The following SCML4 variants were observed in gnomAD, a reference collection of about 807,000 sequenced individuals.
SCML4 encodes sex comb on midleg-like protein 4.
Under a neutral mutation model 41.1 loss-of-function variants are expected in SCML4, and 34 were observed. That is an observed-to-expected ratio of 0.83 (90% CI 0.63 to 1.10). The LOEUF is 1.10. Ranked by LOEUF, SCML4 falls within the 50% of genes least tolerant of loss-of-function variation. The probability of loss-of-function intolerance (pLI) is 0.00; values close to 1 mark genes in which losing one functional copy is unlikely to be tolerated. For missense variants in SCML4, 522 were observed against 534.1 expected, an observed-to-expected ratio of 0.98 and a Z score of 0.22; for synonymous variants, 214 against 220.9, an observed-to-expected ratio of 0.97 and a Z score of 0.28.
At chr6:107,722,045 A>C in intron 5 of SCML4, among the ~76,000 whole-genome samples, 1 of 146,810 alleles carries the variant, frequency 6.8e-6, no homozygotes, top group African/African-American at 2.5e-5. Context: ...GCTGGAGTGC[A>C]GTGGTGCGAT....
At position 107,820,624 on chromosome 6, in the gene SCML4, T is replaced by C. The variant is rs182761935; in HGVS notation, c.-60+3502A>G. 2.0e-5 allele frequency among the ~76,000 whole-genome samples: 3 copies of C among 152,218 alleles called. No individual in the cohort carries two copies. The East Asian group carries it at 5.8e-4, about 29-fold the overall frequency. Reference sequence around the variant, plus strand: ...CCACGGGTGAGAGTTTGCAAAAACATGAAGGAGTGAGCCCTTGCCAGAATT... The same window carrying C: ...CCACGGGTGAGAGTTTGCAAAAACACGAAGGAGTGAGCCCTTGCCAGAATT... On this transcript the variant is annotated intron_variant, in intron 1 of 7. Transcript: ENST00000369020.
At chr6:107,736,850 G>C (rs1215283318) in intron 5 of SCML4, among the ~76,000 whole-genome samples, 2 of 152,194 alleles carry the variant, frequency 1.3e-5, no homozygotes, top group Non-Finnish European at 2.9e-5. Flanking sequence ...ACCAGCCAAG[G>C]AAGGAAACAG....
intron 5 of SCML4, chr6:107,732,145 T>G (rs190354137): frequency 1.3e-5 from 2 of 152,382 alleles, no homozygotes; most frequent in African/African-American, 4.8e-5. Flanking sequence ...CATGCAGCCT[T>G]TCACTGAGGC....
At chr6:107,748,509 A>G (rs1250037483) in intron 3 of SCML4, among the ~76,000 whole-genome samples, 1 of 152,238 alleles carries the variant, frequency 6.6e-6, no homozygotes, top group African/African-American at 2.4e-5. Flanking sequence ...AAGTTAGTAG[A>G]CTGCTCAAAA....
intron 2 of SCML4, among the ~76,000 whole-genome samples, chr6:107,751,022 C>G (rs908342073): frequency 2.6e-5 from 4 of 152,092 alleles, no homozygotes; most frequent in African/African-American, 9.7e-5. Flanking sequence ...TTTATTTGTT[C>G]AACAAATATA....
chr6:107,775,173 C>A (rs533669276), intron 1 of SCML4, among the ~76,000 whole-genome samples: 2 of 152,146 alleles, frequency 1.3e-5, no homozygotes, highest in South Asian at 4.1e-4. Flanking sequence ...CATTTTTTTC[C>A]TGTTATTTAT....
At chr6:107,798,033 A>T (rs897419480) in intron 1 of SCML4, among the ~76,000 whole-genome samples, 3 of 152,116 alleles carry the variant, frequency 2.0e-5, no homozygotes, top group Non-Finnish European at 4.4e-5. Context: ...ATAATTTCTT[A>T]AGGATTTTTG....
chr6:107,733,325 A>G (rs1776740486), intron 5 of SCML4, among the ~76,000 whole-genome samples: 1 of 152,140 alleles, frequency 6.6e-6, no homozygotes, highest in Admixed American at 6.5e-5. Flanking sequence ...GTCATTATTA[A>G]CTCAGCAGTA....
chr6:107,755,630 G>T, intron 2 of SCML4: 1 of 1,341,012 alleles, frequency 7.5e-7, no homozygotes. Context: ...GCTGTTCTCT[G>T]GCAGGGCATT....
At chr6:107,727,634 A>G (rs139754615) in intron 5 of SCML4, among the ~76,000 whole-genome samples, 80 of 152,354 alleles carry the variant, frequency 5.3e-4, no homozygotes, top group Admixed American at 2.9e-3. Flanking sequence ...CTGGAACGCT[A>G]CATCTTTGCC....
At chr6:107,820,793 A>T (rs565072442) in intron 1 of SCML4, among the ~76,000 whole-genome samples, 1 of 152,344 alleles carries the variant, frequency 6.6e-6, no homozygotes, top group Non-Finnish European at 1.5e-5. Flanking sequence ...GATTTACAGC[A>T]GACTGGAGCA....
At chr6:107,709,782 C>T (rs1308579729) in intron 6 of SCML4, among the ~76,000 whole-genome samples, 1 of 152,112 alleles carries the variant, frequency 6.6e-6, no homozygotes, top group Non-Finnish European at 1.5e-5. Context: ...CTGATTTCTG[C>T]TCACTACAAC....
intron 5 of SCML4, among the ~76,000 whole-genome samples, chr6:107,735,892 C>T (rs1418944061): frequency 2.0e-5 from 3 of 152,164 alleles, no homozygotes; most frequent in Non-Finnish European, 4.4e-5. Context: ...CCATCATCAG[C>T]ATCTATCTCC....
At chr6:107,818,837 G>T (rs1295550428) in intron 1 of SCML4, among the ~76,000 whole-genome samples, 3 of 152,154 alleles carry the variant, frequency 2.0e-5, no homozygotes, top group Non-Finnish European at 4.4e-5. Context: ...TGCATCTAAG[G>T]CAGGGCCTTA....
intron 2 of SCML4, among the ~76,000 whole-genome samples, chr6:107,771,507 G>A (rs535995966): frequency 2.0e-5 from 3 of 152,120 alleles, no homozygotes; most frequent in Non-Finnish European, 4.4e-5. Flanking sequence ...TATGATTGTG[G>A]TTACATCAGA....
At chr6:107,794,573 C>CTA (rs143474356) in intron 1 of SCML4, among the ~76,000 whole-genome samples, 44 of 151,002 alleles carry the variant, frequency 2.9e-4, no homozygotes, top group African/African-American at 6.1e-4. Flanking sequence ...GTGTGTGTGT[C>CTA]TATATATATA....
intron 1 of SCML4, among the ~76,000 whole-genome samples, chr6:107,785,467 A>G (rs1184476486): frequency 3.9e-5 from 6 of 152,234 alleles, no homozygotes; most frequent in Middle Eastern, 3.2e-3. Context: ...AGCACCCAGA[A>G]GGCAGTGAGA....
At chr6:107,742,578 C>T (rs1777681680) in intron 5 of SCML4, among the ~76,000 whole-genome samples, 1 of 152,024 alleles carries the variant, frequency 6.6e-6, no homozygotes, top group Non-Finnish European at 1.5e-5. Flanking sequence ...TTGAAGGAAC[C>T]CCAATTCATC....
chr6:107,826,758 A>G (rs933058852), upstream of SCML4, among the ~76,000 whole-genome samples: 1 of 152,170 alleles, frequency 6.6e-6, no homozygotes, highest in African/African-American at 2.4e-5. Context: ...AAAGCCTAAA[A>G]TTGAAATCAA....
Sources: allele counts gnomAD v4.1 joint callset (sites outside exome capture counted in the v4.1 genomes callset), GRCh38; gene constraint gnomAD v4.1.1; transcripts MANE v1.5; gene names NCBI Gene and HGNC (gene_info 2026-07-23, HGNC 2026-07-21).